Variants in ACSL1 observed in about 807,000 individuals in gnomAD.
ACSL1 encodes acyl-CoA synthetase long chain family member 1.
Under a neutral mutation model 98.4 loss-of-function variants are expected in ACSL1, and 41 were observed. The ratio of observed to expected loss-of-function variants is 0.42; its 90% CI spans 0.32 to 0.54. The LOEUF is 0.54. Ranked by LOEUF, ACSL1 falls within the 20% of genes least tolerant of loss-of-function variation. The pLI is 0.13. For missense variants in ACSL1, 734 were observed against 883.1 expected, an observed-to-expected ratio of 0.83 and a Z score of 2.14; for synonymous variants, 316 against 322.7, an observed-to-expected ratio of 0.98 and a Z score of 0.22.
chr4:184,757,502 G>T lies in ACSL1; in HGVS notation c.1956+133C>A. 2 of 987,438 alleles carry T rather than the reference G, an allele frequency of 2.0e-6. No homozygotes were observed. Among genetic ancestry groups the T allele is most frequent in the Non-Finnish European group, 3.0e-6 (2 of 662,474 alleles). The allele number at this position is 987,438 out of a possible 1,614,324, so 61.2% of individuals were successfully genotyped here. ...CTTTTGATTTAAAAACCTTTCCCCT[G>T]TCAAACTACTCCATTATTTATTCCT... On this transcript the variant is annotated intron_variant, in intron 20 of 20. Transcript: ENST00000281455. The surrounding 1 kb of genome is among the most constrained non-coding windows in gnomAD (Gnocchi z 4.5).
intron 1 of ACSL1, among the ~76,000 whole-genome samples, chr4:184,813,403 T>C (rs893557357): frequency 6.6e-6 from 1 of 152,198 alleles, no homozygotes; most frequent in Non-Finnish European, 1.5e-5. Flanking sequence ...AACAGCTTTG[T>C]GGCAGCGGAT....
In ACSL1 at chr4:184,757,189, CT is replaced by C; in HGVS notation, c.2032del (p.Arg678GlyfsTer12). On this transcript the variant is annotated frameshift_variant, in exon 21 of 21. Coordinates refer to ENST00000281455, the MANE Select transcript of ACSL1 (RefSeq NM_001995.5). LOFTEE classifies it high-confidence loss of function. The surrounding 1 kb of genome is among the most constrained non-coding windows in gnomAD (Gnocchi z 4.5). Reference protein sequence around the residue: ...GLLTPTMKAKRPELRNYFRSQ... With the variant: ...GLLTPTMKAKXPELRNYFRSQ... ...CCTGAAATAGTTCCGCAGCTCTGGC[CT>C]TTTCGCCTTCATTGTTGGAGTCAGA... 1 of 1,610,470 alleles carries C rather than the reference CT, an allele frequency of 6.2e-7. No homozygotes were observed. Among genetic ancestry groups the C allele is most frequent in the Non-Finnish European group, 8.5e-7 (1 of 1,176,930 alleles).
At position 184,764,912 on chromosome 4, in the gene ACSL1, T is replaced by TA. The variant is rs1157963539; in HGVS notation, c.1372dup (p.Tyr458LeufsTer36). 6.2e-7 allele frequency: 1 copy of TA among 1,613,910 alleles called. No homozygotes were observed. Among genetic ancestry groups the TA allele is most frequent in the South Asian group, 1.1e-5 (1 of 91,060 alleles). ...CCCGGCAGTGCACTCTGTCTGTCCGTATCCTTCATAAAACTGGGGCACCAA... is the reference window on the plus strand; with the variant it reads ...CCCGGCAGTGCACTCTGTCTGTCCGTAATCCTTCATAAAACTGGGGCACCAA... On this transcript the variant is annotated frameshift_variant, in exon 15 of 21. Coordinates refer to ENST00000281455, the MANE Select transcript of ACSL1 (RefSeq NM_001995.5). LOFTEE classifies it high-confidence loss of function.
At chr4:184,823,158 C>T (rs1773198960) in intron 1 of ACSL1, among the ~76,000 whole-genome samples, 1 of 152,206 alleles carries the variant, frequency 6.6e-6, no homozygotes, top group Non-Finnish European at 1.5e-5. Context: ...GTTGGACTGC[C>T]AACCTTCACT....
At chr4:184,762,636 A>G (rs1024048754) in intron 16 of ACSL1, 113 bp from the exon 17 acceptor site, 6 of 914,360 alleles carry the variant, frequency 6.6e-6, no homozygotes, top group African/African-American at 3.3e-5. Context: ...TGGAAGCCCT[A>G]AACTCCAGGA....
At chr4:184,763,347 G>C in intron 15 of ACSL1, 92 bp from the exon 16 acceptor site, 998 of 1,053,038 alleles carry the variant, frequency 9.5e-4, no homozygotes, top group East Asian at 1.1e-3. Flanking sequence ...TTCCACATAA[G>C]AAAAACGGCT....
At chr4:184,764,008 G>C (rs1763221394) in intron 15 of ACSL1, among the ~76,000 whole-genome samples, 1 of 152,144 alleles carries the variant, frequency 6.6e-6, no homozygotes, top group South Asian at 2.1e-4. Context: ...GTTAATTCCA[G>C]GACAATGATG....
chr4:184,797,148 C>A (rs1233654150), intron 2 of ACSL1, among the ~76,000 whole-genome samples: 1 of 148,786 alleles, frequency 6.7e-6, no homozygotes, highest in Non-Finnish European at 1.5e-5. Context: ...CTGCCCAGAT[C>A]AACAACAGCT....
At chr4:184,788,336 A>C (rs1423807096) in intron 3 of ACSL1, 1 of 510,618 alleles carries the variant, frequency 2.0e-6, no homozygotes, top group Non-Finnish European at 3.8e-6. Flanking sequence ...TTATTGCAGG[A>C]AACGTCAGAG....
At chr4:184,784,780 C>A (rs573030890) in intron 3 of ACSL1, among the ~76,000 whole-genome samples, 1 of 152,164 alleles carries the variant, frequency 6.6e-6, no homozygotes, top group African/African-American at 2.4e-5. Context: ...CAGTGTGCTG[C>A]ACATGCAGAT....
At chr4:184,792,777 A>G (rs1422619499) in intron 2 of ACSL1, among the ~76,000 whole-genome samples, 1 of 152,094 alleles carries the variant, frequency 6.6e-6, no homozygotes, top group Non-Finnish European at 1.5e-5. Flanking sequence ...CTATATTTAA[A>G]AAAGGGTGTT....
At chr4:184,785,088 G>A (rs748728264) in intron 3 of ACSL1, among the ~76,000 whole-genome samples, 5 of 152,222 alleles carry the variant, frequency 3.3e-5, no homozygotes, top group African/African-American at 4.8e-5. Flanking sequence ...CAGTGATAGT[G>A]GCACACAGCC....
chr4:184,764,217 C>G (rs1202086124), intron 15 of ACSL1, among the ~76,000 whole-genome samples: 1 of 152,182 alleles, frequency 6.6e-6, no homozygotes, highest in African/African-American at 2.4e-5. Context: ...AATTCTCATA[C>G]ATCATTTATG....
At chr4:184,787,083 A>G (rs982913729) in intron 3 of ACSL1, among the ~76,000 whole-genome samples, 1 of 152,242 alleles carries the variant, frequency 6.6e-6, no homozygotes, top group African/African-American at 2.4e-5. Flanking sequence ...AAAAGATTAC[A>G]ATGTAGCTAG....
At chr4:184,812,258 C>G in intron 1 of ACSL1, 1 of 984,352 alleles carries the variant, frequency 1.0e-6, no homozygotes, top group Non-Finnish European at 1.2e-6. Flanking sequence ...TAACACAGTC[C>G]CGAGCCAAGG....
intron 10 of ACSL1, among the ~76,000 whole-genome samples, chr4:184,772,065 T>C (rs1764595807): frequency 6.6e-6 from 1 of 152,240 alleles, no homozygotes; most frequent in African/African-American, 2.4e-5. Context: ...ACTGATATTG[T>C]AATTGATTTG....
intron 10 of ACSL1, among the ~76,000 whole-genome samples, chr4:184,770,950 C>G (rs1223610671): frequency 6.6e-6 from 1 of 152,064 alleles, no homozygotes; most frequent in Non-Finnish European, 1.5e-5. Flanking sequence ...ATGGTAAAAC[C>G]CCATCCCTAC....
intron 2 of ACSL1, among the ~76,000 whole-genome samples, chr4:184,801,224 T>A (rs1041525394): frequency 6.6e-6 from 1 of 152,198 alleles, no homozygotes; most frequent in African/African-American, 2.4e-5. Context: ...GCTACTGCCT[T>A]AAAAATCAGT....
intron 1 of ACSL1, among the ~76,000 whole-genome samples, chr4:184,821,686 G>A (rs1306803302): frequency 6.6e-6 from 1 of 152,142 alleles, no homozygotes; most frequent in African/African-American, 2.4e-5. Context: ...AAACTGTTCT[G>A]AAAAATATCC....
Sources: gnomAD v4.1 joint callset for allele counts (sites outside exome capture counted in the v4.1 genomes callset) on GRCh38, gnomAD v4.1.1 for gene constraint, Gnocchi (gnomAD v3.1) non-coding constraint, MANE v1.5 for transcripts, NCBI Gene and HGNC (gene_info 2026-07-23, HGNC 2026-07-21) for gene names.